VWA3B: variants seen among roughly 807,000 people sequenced by gnomAD.
VWA3B encodes von Willebrand factor A domain-containing protein 3B.
Under a neutral mutation model 158.3 loss-of-function variants are expected in VWA3B, and 138 were observed. The observed-to-expected ratio is 0.87, with a 90% CI of 0.76 to 1.00. The LOEUF is 1.00. Among genes scored for constraint, VWA3B ranks in the 50% least tolerant of loss-of-function variants. VWA3B has a pLI of 0.00. For synonymous variants in VWA3B, 596 were observed against 587.3 expected (o/e 1.01, Z -0.21); for missense variants, 1,555 against 1,565.1 (o/e 0.99, Z 0.11).
At chr2:98,286,962 G>T (rs1689198240) in intron 22 of VWA3B, among the ~76,000 whole-genome samples, 1 of 152,050 alleles carries the variant, frequency 6.6e-6, no homozygotes. Flanking sequence ...GAGAGAGAGA[G>T]AACAATGGGA....
chr2:98,265,471 C>T (rs1290749097), intron 21 of VWA3B, among the ~76,000 whole-genome samples: 10 of 152,020 alleles, frequency 6.6e-5, no homozygotes, highest in Non-Finnish European at 8.8e-5. Flanking sequence ...GGTTCCAAGT[C>T]TTTGCTATTG....
intron 22 of VWA3B, among the ~76,000 whole-genome samples, chr2:98,287,417 A>C (rs1689229764): frequency 1.3e-5 from 2 of 152,274 alleles, no homozygotes; most frequent in South Asian, 4.1e-4. Context: ...TTTTTCTAGT[A>C]ATTCATTTTA....
intron 2 of VWA3B, among the ~76,000 whole-genome samples, chr2:98,102,521 G>A (rs570158545): frequency 3.2e-4 from 48 of 151,992 alleles, no homozygotes; most frequent in African/African-American, 1.1e-3. Context: ...TCCCAGACGG[G>A]GTGGCGGCCA....
At chr2:98,231,976 G>T (rs934963059) in intron 16 of VWA3B, among the ~76,000 whole-genome samples, 2 of 152,096 alleles carry the variant, frequency 1.3e-5, no homozygotes, top group African/African-American at 4.8e-5. Flanking sequence ...TTTTAACACT[G>T]ACTTCATCCA....
intron 26 of VWA3B, among the ~76,000 whole-genome samples, chr2:98,304,848 A>G (rs1690419661): frequency 6.6e-6 from 1 of 151,956 alleles, no homozygotes; most frequent in African/African-American, 2.4e-5. Context: ...CACACTCCTA[A>G]ATAAATACCG....
intron 27 of VWA3B, 23 bp from the exon 28 acceptor site, chr2:98,312,158 GACCCTAACATCCTTAAGTA>G (rs1182015328): frequency 6.2e-7 from 1 of 1,614,134 alleles, no homozygotes; most frequent in East Asian, 2.2e-5. Context: ...GTGCAGCAAA[GACCCTAACATCCTTAAGTA>G]ATGCTGAACT....
At chr2:98,271,938 A>AGAGGT (rs75538828) in intron 22 of VWA3B, among the ~76,000 whole-genome samples, 4,446 of 152,308 alleles carry the variant, frequency 0.029, 98 homozygotes, top group Non-Finnish European at 0.048. Flanking sequence ...GGGACATTTA[A>AGAGGT]GAGGTGTGTG....
chr2:98,324,806 T>A, the VWA3B span, among the ~76,000 whole-genome samples: 108 of 152,222 alleles, frequency 7.1e-4, 1 homozygote, highest in African/African-American at 2.5e-3. Flanking sequence ...ATGGCAGCTA[T>A]AATAACTATG....
At chr2:98,203,344 T>C (rs931669703) in intron 12 of VWA3B, among the ~76,000 whole-genome samples, 2 of 152,264 alleles carry the variant, frequency 1.3e-5, no homozygotes, top group Non-Finnish European at 2.9e-5. Context: ...AGCTGTATAG[T>C]GAGCTTTAAG....
chr2:98,323,509 G>C, the VWA3B span, among the ~76,000 whole-genome samples: 1 of 146,712 alleles, frequency 6.8e-6, no homozygotes, highest in African/African-American at 2.5e-5. Context: ...AAAAGAGAAA[G>C]AAAAAAAAAA....
intron 2 of VWA3B, among the ~76,000 whole-genome samples, chr2:98,104,610 C>A (rs901480871): frequency 6.6e-6 from 1 of 152,092 alleles, no homozygotes; most frequent in African/African-American, 2.4e-5. Flanking sequence ...GGTCAAATAT[C>A]CAAACTATAG....
intron 10 of VWA3B, 93 bp downstream of exon 10, chr2:98,188,222 A>G: frequency 6.7e-7 from 1 of 1,482,766 alleles, no homozygotes; most frequent in Non-Finnish European, 9.1e-7. Flanking sequence ...TTTTTAGTTG[A>G]CACATAATGA....
chr2:98,285,275 A>G (rs1427117662), intron 22 of VWA3B, among the ~76,000 whole-genome samples: 1 of 152,182 alleles, frequency 6.6e-6, no homozygotes, highest in Non-Finnish European at 1.5e-5. Context: ...CATTTTATAA[A>G]TAAACGGCTG....
intron 5 of VWA3B, among the ~76,000 whole-genome samples, chr2:98,123,455 C>T (rs548425071): frequency 1.3e-5 from 2 of 152,326 alleles, no homozygotes; most frequent in South Asian, 2.1e-4. Context: ...CTCCTGGCCC[C>T]CTCCAGGCAC....
intron 8 of VWA3B, among the ~76,000 whole-genome samples, chr2:98,168,280 T>C (rs1275160865): frequency 6.6e-6 from 1 of 152,132 alleles, no homozygotes; most frequent in Non-Finnish European, 1.5e-5. Context: ...ACAGAAGGTC[T>C]TGGATGTTAT....
intron 12 of VWA3B, among the ~76,000 whole-genome samples, chr2:98,204,709 T>C (rs1682867110): frequency 1.3e-5 from 2 of 152,236 alleles, no homozygotes; most frequent in African/African-American, 4.8e-5. Context: ...TGCGTATCAG[T>C]GTAATACTGG....
chr2:98,104,965 C>A (rs758447293), intron 2 of VWA3B, among the ~76,000 whole-genome samples: 2 of 152,150 alleles, frequency 1.3e-5, no homozygotes, highest in Non-Finnish European at 2.9e-5. Context: ...TTTATTTTTA[C>A]ATACATTATA....
chr2:98,093,403 A>C (rs1195006938), intron 2 of VWA3B, 115 bp downstream of exon 2: 20 of 1,047,626 alleles, frequency 1.9e-5, no homozygotes, highest in Non-Finnish European at 2.8e-5. Context: ...CTTTGATCTT[A>C]TATCCCTATC....
intron 2 of VWA3B, among the ~76,000 whole-genome samples, chr2:98,100,642 C>T (rs1203513124): frequency 2.0e-5 from 3 of 152,180 alleles, no homozygotes; most frequent in East Asian, 1.9e-4. Flanking sequence ...GCTTAGTCCA[C>T]GAGTACCGGC....
Sources: gnomAD v4.1 joint callset for allele counts (sites outside exome capture counted in the v4.1 genomes callset) on GRCh38, gnomAD v4.1.1 for gene constraint, MANE v1.5 for transcripts, NCBI Gene and HGNC (gene_info 2026-07-23, HGNC 2026-07-21) for gene names.